KCTD16: variants seen among roughly 807,000 people sequenced by gnomAD.
KCTD16 encodes the protein potassium channel tetramerization domain containing 16.
Under a neutral mutation model 33.2 loss-of-function variants are expected in KCTD16, and 13 were observed. The observed-to-expected ratio is 0.39, with a 90% CI of 0.25 to 0.62. The LOEUF (loss-of-function observed/expected upper bound fraction) is 0.62. Ranked by LOEUF, KCTD16 falls within the 20% of genes least tolerant of loss-of-function variation. KCTD16 has a pLI of 0.50. For synonymous variants in KCTD16, 197 were observed against 195.3 expected (o/e 1.01, Z -0.07); for missense variants, 441 against 525.1 (o/e 0.84, Z 1.57).
At chr5:144,307,102 A>G (rs1404140770) in intron 3 of KCTD16, among the ~76,000 whole-genome samples, 5 of 152,176 alleles carry the variant, frequency 3.3e-5, no homozygotes, top group African/African-American at 7.2e-5. Flanking sequence ...TGCCAGCTTC[A>G]CAGGTCTTCT....
chr5:144,391,062 A>C (rs1309697978), intron 3 of KCTD16, among the ~76,000 whole-genome samples: 1 of 151,900 alleles, frequency 6.6e-6, no homozygotes, highest in East Asian at 1.9e-4. Flanking sequence ...TTCCCATGGC[A>C]TTCTACTCAG....
intron 3 of KCTD16, among the ~76,000 whole-genome samples, chr5:144,402,319 C>G (rs1174620116): frequency 1.1e-4 from 16 of 152,140 alleles, no homozygotes; most frequent in Admixed American, 1.0e-3. Context: ...CCCACCTCTC[C>G]TTAGGTGGCC....
chr5:144,217,644 G>C (rs1753606407), intron 3 of KCTD16, among the ~76,000 whole-genome samples: 1 of 152,182 alleles, frequency 6.6e-6, no homozygotes, highest in Admixed American at 6.5e-5. Flanking sequence ...TTTTCTGTAG[G>C]CCTGTTCAGT....
At chr5:144,332,919 A>G (rs551918099) in intron 3 of KCTD16, among the ~76,000 whole-genome samples, 1 of 152,332 alleles carries the variant, frequency 6.6e-6, no homozygotes, top group South Asian at 2.1e-4. Flanking sequence ...CATGTTTTGC[A>G]TGGTAGCAGG....
At chr5:144,274,567 T>C (rs1486028357) in intron 3 of KCTD16, among the ~76,000 whole-genome samples, 1 of 152,210 alleles carries the variant, frequency 6.6e-6, no homozygotes. Context: ...ATGACTACTC[T>C]GGTGAAACTA....
At chr5:144,400,112 C>A (rs1236660159) in intron 3 of KCTD16, among the ~76,000 whole-genome samples, 1 of 152,120 alleles carries the variant, frequency 6.6e-6, no homozygotes, top group African/African-American at 2.4e-5. Context: ...AAAGAAATTT[C>A]TTTCATCTCT....
At chr5:144,461,717 T>C (rs1754199460) in intron 3 of KCTD16, among the ~76,000 whole-genome samples, 1 of 152,216 alleles carries the variant, frequency 6.6e-6, no homozygotes, top group Non-Finnish European at 1.5e-5. Flanking sequence ...TGGCTTTACT[T>C]ATGTCTCACC....
chr5:144,173,795 T>C (rs1292882923), intron 1 of KCTD16, among the ~76,000 whole-genome samples: 1 of 152,204 alleles, frequency 6.6e-6, no homozygotes, highest in Non-Finnish European at 1.5e-5. Context: ...TTGCATATTG[T>C]TTATTTGACT....
intron 3 of KCTD16, among the ~76,000 whole-genome samples, chr5:144,303,202 C>A (rs2126871886): frequency 6.6e-6 from 1 of 152,274 alleles, no homozygotes; most frequent in Admixed American, 6.5e-5. Context: ...AGTAGGGTGG[C>A]TGGCTGTCTC....
At chr5:144,344,022 T>C (rs1271408297) in intron 3 of KCTD16, among the ~76,000 whole-genome samples, 2 of 152,074 alleles carry the variant, frequency 1.3e-5, no homozygotes, top group African/African-American at 2.4e-5. Context: ...TATAGATCAA[T>C]GGAACAGAAC....
At chr5:144,301,960 TC>T (rs2126871141) in intron 3 of KCTD16, among the ~76,000 whole-genome samples, 1 of 152,342 alleles carries the variant, frequency 6.6e-6, no homozygotes, top group Admixed American at 6.5e-5. Flanking sequence ...TCTGTGGCAG[TC>T]ACTCTTCTAA....
chr5:144,207,879 G>A (rs974558748), intron 3 of KCTD16, among the ~76,000 whole-genome samples: 2 of 152,202 alleles, frequency 1.3e-5, no homozygotes, highest in Non-Finnish European at 2.9e-5. Context: ...ATTACATCTT[G>A]GCTGTTTGTC....
At position 144,322,870 on chromosome 5, in the gene KCTD16, A is replaced by C. The variant is rs191238702; in HGVS notation, c.832+115324A>C. Among the ~76,000 whole-genome samples, 10 of 152,260 alleles carry C rather than the reference A, an allele frequency of 6.6e-5. No individual in the cohort carries two copies. In the East Asian group the frequency reaches 1.9e-3, roughly 29 times the overall value. On this transcript the variant is annotated intron_variant, in intron 3 of 3. Coordinates refer to ENST00000512467, the MANE Select transcript of KCTD16 (RefSeq NM_020768.4). ...GCTGGTTTGGGCTAGGGGTAAGGTA[A>C]CCATAGAATGCATATTCCAAATTAG...
Position 144,206,412 on chromosome 5 carries a change from A to C in KCTD16, c.-303A>C. The C allele has an allele frequency of 7.2e-6, 2 of 278,910 alleles. No homozygotes were observed. The highest frequency in any genetic ancestry group is 1.3e-5 in the Non-Finnish European group (2 of 150,112). 17.3% of individuals were successfully genotyped at this position (278,910 alleles called of 1,614,324 possible). Reference sequence around the variant, plus strand: ...AGACGGACATCTGAGTAACTGGGGAATTGGCCTGCCTTGCATGTGAGCTTG... The same window carrying C: ...AGACGGACATCTGAGTAACTGGGGACTTGGCCTGCCTTGCATGTGAGCTTG... On this transcript the variant is annotated 5_prime_UTR_variant, in exon 3 of 4. Transcript: ENST00000512467.
intron 3 of KCTD16, among the ~76,000 whole-genome samples, chr5:144,359,368 T>C (rs1043934467): frequency 5.3e-5 from 8 of 152,138 alleles, no homozygotes; most frequent in African/African-American, 1.9e-4. Context: ...AAGTAGGTCA[T>C]CATTAACCCT....
chr5:144,240,993 A>G (rs527379472), intron 3 of KCTD16, among the ~76,000 whole-genome samples: 67 of 152,284 alleles, frequency 4.4e-4, no homozygotes, highest in Non-Finnish European at 7.2e-4. Flanking sequence ...TCGAGACACC[A>G]GGACTGAAGA....
chr5:144,301,602 C>T (rs10065948), intron 3 of KCTD16, among the ~76,000 whole-genome samples: 18,257 of 152,174 alleles, frequency 0.12, 2,864 homozygotes, highest in African/African-American at 0.36. Context: ...GATTAAGAAT[C>T]CATCTCTACT....
chr5:144,469,688 G>A (rs1754426633), intron 3 of KCTD16, among the ~76,000 whole-genome samples: 1 of 152,046 alleles, frequency 6.6e-6, no homozygotes, highest in South Asian at 2.1e-4. Context: ...AGTAATTTAT[G>A]TAAGGTCTCA....
At chr5:144,171,238 TG>T (rs762780450) in intron 1 of KCTD16, among the ~76,000 whole-genome samples, 11 of 152,118 alleles carry the variant, frequency 7.2e-5, no homozygotes, top group Non-Finnish European at 1.3e-4. Context: ...CATAATTCTT[TG>T]AAAGAGTAAC....
Sources: gnomAD v4.1 joint callset for allele counts (sites outside exome capture counted in the v4.1 genomes callset) on GRCh38, gnomAD v4.1.1 for gene constraint, MANE v1.5 for transcripts, NCBI Gene and HGNC (gene_info 2026-07-23, HGNC 2026-07-21) for gene names.